The following CTNNA2 variants were observed in gnomAD, a reference collection of about 807,000 sequenced individuals.
The protein encoded by CTNNA2 is catenin alpha-2.
CTNNA2 carries 42 observed loss-of-function variants against 101.0 expected under a neutral mutation model. That is an observed-to-expected ratio of 0.42 (90% CI 0.32 to 0.54). The LOEUF (loss-of-function observed/expected upper bound fraction) is 0.54, where lower values mean the gene tolerates loss of function less well. Ranked by LOEUF, CTNNA2 falls within the 20% of genes least tolerant of loss-of-function variation. The pLI is 0.14. For missense variants in CTNNA2, 871 were observed against 1,223.1 expected (o/e 0.71, Z 4.29); for synonymous variants, 450 against 456.4 (o/e 0.99, Z 0.18).
At chr2:79,590,331 A>G (rs1028733513) in intron 1 of CTNNA2, among the ~76,000 whole-genome samples, 1 of 152,204 alleles carries the variant, frequency 6.6e-6, no homozygotes, top group African/African-American at 2.4e-5. Flanking sequence ...AACAATTGTT[A>G]TATTTTCAAC....
intron 1 of CTNNA2, among the ~76,000 whole-genome samples, chr2:79,635,634 G>C (rs1223835208): frequency 6.7e-6 from 1 of 150,368 alleles, no homozygotes; most frequent in East Asian, 2.1e-4. Flanking sequence ...CTCCCAAGTA[G>C]CTGGGATTAC....
At chr2:80,352,520 T>G in intron 7 of CTNNA2, among the ~76,000 whole-genome samples, 1 of 152,140 alleles carries the variant, frequency 6.6e-6, no homozygotes, top group East Asian at 1.9e-4. Context: ...TAATGCCAAT[T>G]GTACTTTTAG....
intron 7 of CTNNA2, among the ~76,000 whole-genome samples, chr2:80,325,512 T>A (rs1368296567): frequency 6.6e-6 from 1 of 152,190 alleles, no homozygotes; most frequent in African/African-American, 2.4e-5. Flanking sequence ...AGCTGTTTTT[T>A]GTTTTGTATT....
intron 17 of CTNNA2, among the ~76,000 whole-genome samples, chr2:80,615,420 G>A (rs1412699444): frequency 1.3e-5 from 2 of 151,490 alleles, no homozygotes; most frequent in African/African-American, 2.4e-5. Context: ...TAAAAGGCAC[G>A]GTGATATATT....
At chr2:79,270,968 G>A (rs1675068076) in intron 2 of CTNNA2, among the ~76,000 whole-genome samples, 1 of 151,998 alleles carries the variant, frequency 6.6e-6, no homozygotes, top group Non-Finnish European at 1.5e-5. Flanking sequence ...ACTGGAAGAT[G>A]CCAGAAGGCT....
intron 2 of CTNNA2, among the ~76,000 whole-genome samples, chr2:79,297,285 C>T (rs796667367): frequency 5.9e-5 from 9 of 152,292 alleles, no homozygotes; most frequent in African/African-American, 2.2e-4. Flanking sequence ...CTACCCACAT[C>T]CACTAACACT....
intron 9 of CTNNA2, among the ~76,000 whole-genome samples, chr2:80,537,231 C>T (rs1691120342): frequency 6.6e-6 from 1 of 152,160 alleles, no homozygotes. Flanking sequence ...CAGCTTCATC[C>T]ATGTCCCTGA....
chr2:80,110,868 C>T (rs11898363), intron 7 of CTNNA2, among the ~76,000 whole-genome samples: 34,421 of 152,000 alleles, frequency 0.23, 4,561 homozygotes, highest in East Asian at 0.51. Context: ...TTGTATTAGT[C>T]CATTTTCATG....
At chr2:80,044,382 T>TAA (rs35891067) in intron 7 of CTNNA2, among the ~76,000 whole-genome samples, 63 of 151,574 alleles carry the variant, frequency 4.2e-4, no homozygotes, top group African/African-American at 1.0e-3. Context: ...GCCACATTTG[T>TAA]AAAAAAAAAT....
At chr2:79,444,115 G>A (rs939135956) in intron 4 of CTNNA2, among the ~76,000 whole-genome samples, 10 of 151,984 alleles carry the variant, frequency 6.6e-5, no homozygotes, top group African/African-American at 2.4e-4. Context: ...CAGATGAGAC[G>A]ATAACCCTAG....
At chr2:79,375,369 A>G (rs528199742) in intron 4 of CTNNA2, among the ~76,000 whole-genome samples, 1 of 152,180 alleles carries the variant, frequency 6.6e-6, no homozygotes, top group Non-Finnish European at 1.5e-5. Context: ...CGTGCCTGGC[A>G]TGTAGTAGTT....
intron 7 of CTNNA2, among the ~76,000 whole-genome samples, chr2:80,261,413 A>G (rs1290518456): frequency 6.6e-6 from 1 of 152,046 alleles, no homozygotes; most frequent in Non-Finnish European, 1.5e-5. Flanking sequence ...AGCTTCATCC[A>G]GTTTAATGAC....
intron 17 of CTNNA2, among the ~76,000 whole-genome samples, chr2:80,616,209 T>A (rs1459209302): frequency 1.3e-5 from 2 of 151,724 alleles, no homozygotes; most frequent in Non-Finnish European, 3.0e-5. Context: ...GGAGAAGTTA[T>A]GGTCAACATC....
intron 18 of CTNNA2, among the ~76,000 whole-genome samples, chr2:80,642,608 A>G (rs1248913188): frequency 6.6e-6 from 1 of 152,184 alleles, no homozygotes; most frequent in African/African-American, 2.4e-5. Context: ...CCTTTGAAAG[A>G]ATGTGGTTGA....
At chr2:79,601,981 GC>G (rs1489500792) in intron 1 of CTNNA2, among the ~76,000 whole-genome samples, 1 of 152,136 alleles carries the variant, frequency 6.6e-6, no homozygotes, top group African/African-American at 2.4e-5. Context: ...CTAACACAAA[GC>G]CTGTTTTTAA....
intron 7 of CTNNA2, among the ~76,000 whole-genome samples, chr2:80,321,553 T>C (rs1678689615): frequency 6.6e-6 from 1 of 152,206 alleles, no homozygotes; most frequent in Non-Finnish European, 1.5e-5. Flanking sequence ...TTGTGGTGTA[T>C]GAATTCATAA....
intron 9 of CTNNA2, among the ~76,000 whole-genome samples, chr2:80,525,560 A>G (rs909038934): frequency 6.6e-5 from 10 of 152,178 alleles, no homozygotes; most frequent in African/African-American, 2.4e-4. Flanking sequence ...AATTCAGCTA[A>G]GCCTGACTTT....
At chr2:80,208,190 A>T (rs1707649435) in intron 7 of CTNNA2, among the ~76,000 whole-genome samples, 1 of 152,012 alleles carries the variant, frequency 6.6e-6, no homozygotes, top group Admixed American at 6.5e-5. Flanking sequence ...CAATCAATCC[A>T]CTCCATTCTC....
chr2:79,667,253 T>G (rs1682485687), intron 2 of CTNNA2, among the ~76,000 whole-genome samples: 1 of 152,222 alleles, frequency 6.6e-6, no homozygotes, highest in Admixed American at 6.5e-5. Context: ...TAGTCCCTCT[T>G]GGGCCGTCAT....
Sources: gnomAD v4.1 joint callset for allele counts (sites outside exome capture counted in the v4.1 genomes callset) on GRCh38, gnomAD v4.1.1 for gene constraint, MANE v1.5 for transcripts, NCBI Gene and HGNC (gene_info 2026-07-23, HGNC 2026-07-21) for gene names.